FANCB: variants seen among roughly 807,000 people sequenced by gnomAD.
FANCB encodes the protein Fanconi anemia group B protein.
In FANCB, 5 loss-of-function variants were observed where a neutral mutation model predicts 38.9. The observed-to-expected ratio is 0.13, with a 90% CI of 0.07 to 0.27. The LOEUF is 0.27. Ranked by LOEUF, FANCB falls within the 10% of genes least tolerant of loss-of-function variation. The pLI is 1.00. For synonymous variants in FANCB, 236 were observed against 215.4 expected, an observed-to-expected ratio of 1.10 and a Z score of -0.84; for missense variants, 573 against 602.7, an observed-to-expected ratio of 0.95 and a Z score of 0.52.
the FANCB span, among the ~76,000 whole-genome samples, chrX:14,690,342 A>G: frequency 1.8e-5 from 2 of 111,967 alleles, no homozygotes; most frequent in Non-Finnish European, 1.9e-5. Flanking sequence ...ACATGTTTCA[A>G]TATATGTACA....
At chrX:14,863,670 C>A in intron 3 of FANCB, among the ~76,000 whole-genome samples, 1 of 112,005 alleles carries the variant, frequency 8.9e-6, no homozygotes, top group Middle Eastern at 4.6e-3. Context: ...TTCTGCATTT[C>A]AAAATATAAC....
chrX:14,751,110 C>T, the FANCB span, among the ~76,000 whole-genome samples: 4 of 112,017 alleles, frequency 3.6e-5, no homozygotes, highest in Non-Finnish European at 7.5e-5. Flanking sequence ...TGAAGTTGAG[C>T]ACATACATCT....
intron 5 of FANCB, among the ~76,000 whole-genome samples, chrX:14,856,492 A>G (rs1199122388): frequency 1.8e-5 from 2 of 111,962 alleles, no homozygotes; most frequent in East Asian, 5.5e-4. Context: ...TGAATAGATC[A>G]ATGTCTTCAT....
downstream of FANCB, among the ~76,000 whole-genome samples, chrX:14,840,013 A>T (rs1429961281): frequency 9.0e-6 from 1 of 111,078 alleles, no homozygotes; most frequent in East Asian, 2.8e-4. Flanking sequence ...GTGCCACCAC[A>T]CCTGGCTAAT....
intron 1 of FANCB, among the ~76,000 whole-genome samples, chrX:14,871,268 G>C (rs368348842): frequency 5.3e-4 from 59 of 111,704 alleles, no homozygotes; most frequent in African/African-American, 1.9e-3. Context: ...TCACAGGACT[G>C]TACTTTTGAG....
the FANCB span, among the ~76,000 whole-genome samples, chrX:14,797,838 A>C: frequency 1.8e-5 from 2 of 111,501 alleles, no homozygotes; most frequent in Non-Finnish European, 3.8e-5. Context: ...GCTTAAAAAA[A>C]TACTTATACT....
At chrX:14,870,956 GT>G (rs1193570383) in intron 1 of FANCB, among the ~76,000 whole-genome samples, 1 of 111,707 alleles carries the variant, frequency 9.0e-6, no homozygotes, top group Non-Finnish European at 1.9e-5. Context: ...GATAGATGTT[GT>G]TTTTCCAAGA....
chrX:14,844,717 G>A lies in FANCB; in HGVS notation c.1951C>T (p.Leu651Phe). ...CAAGATTTATGGAATGCTGCAAGAAGTGCAAAAAGATCTTCCATGTGCTCT... is the reference window on the plus strand; with the variant it reads ...CAAGATTTATGGAATGCTGCAAGAAATGCAAAAAGATCTTCCATGTGCTCT... ...PIEHMEDLFA[L>F]LAAFHKSCFQ... The change falls in exon 9 of 10, where the codon CTT (leucine) becomes TTT (phenylalanine). Residue 651 changes from leucine to phenylalanine, a missense_variant. Leu to Phe is a conservative substitution (Grantham distance 22, BLOSUM62 0). Coordinates refer to ENST00000650831, the MANE Select transcript of FANCB (RefSeq NM_001018113.3). 1.7e-6 allele frequency: 2 copies of A among 1,209,689 alleles called. No homozygotes were observed. The highest frequency in any genetic ancestry group is 1.7e-5 in the African/African-American group (1 of 57,821).
chrX:14,737,208 G>A, the FANCB span, among the ~76,000 whole-genome samples: 3 of 111,169 alleles, frequency 2.7e-5, no homozygotes, highest in Non-Finnish European at 5.7e-5. Flanking sequence ...AAGGTGAAAC[G>A]AAACTTAAGT....
the FANCB span, among the ~76,000 whole-genome samples, chrX:14,757,722 G>A: frequency 8.9e-6 from 1 of 111,859 alleles, no homozygotes; most frequent in Non-Finnish European, 1.9e-5. Context: ...TGTCTCACGC[G>A]GATCCTTGGG....
chrX:14,741,301 T>C, the FANCB span, among the ~76,000 whole-genome samples: 15 of 111,497 alleles, frequency 1.3e-4, no homozygotes, highest in Non-Finnish European at 2.3e-4. Context: ...AAAACCCTAC[T>C]ATATATCCTT....
chrX:14,796,259 G>A, the FANCB span, among the ~76,000 whole-genome samples: 5 of 109,196 alleles, frequency 4.6e-5, no homozygotes, highest in Non-Finnish European at 7.6e-5. Context: ...TGTCAGTTCA[G>A]GCTTTAGTCA....
the FANCB span, among the ~76,000 whole-genome samples, chrX:14,796,515 A>G: frequency 1.0e-5 from 1 of 98,234 alleles, no homozygotes; most frequent in South Asian, 4.2e-4. Flanking sequence ...TATATAATAT[A>G]TAACATATAT....
chrX:14,750,129 A>C, the FANCB span, among the ~76,000 whole-genome samples: 1 of 112,288 alleles, frequency 8.9e-6, no homozygotes, highest in African/African-American at 3.2e-5. Flanking sequence ...AGAGCATTCA[A>C]TTCCTATGAT....
At chrX:14,824,021 G>A in the FANCB span, among the ~76,000 whole-genome samples, 1 of 111,855 alleles carries the variant, frequency 8.9e-6, no homozygotes, top group Non-Finnish European at 1.9e-5. Flanking sequence ...AGACTGGACA[G>A]GAGAACTGCC....
In FANCB at chrX:14,864,710, T is replaced by G. The variant is rs773005941; in HGVS notation, c.801A>C (p.Ser267=). The change falls in exon 3 of 10, where the codon TCA becomes TCC. Residue 267 remains serine, a synonymous_variant. Transcript: ENST00000650831. The part of the protein sequence containing the change: ...IALTRKNQLI[S]FQNGTPKNVC... ...CATTTTTAGGAGTTCCATTCTGAAA[T>G]GAAATCAGCTGATTCTTTCGAGTAA... The G allele has an allele frequency of 1.4e-5, 17 of 1,210,125 alleles. No homozygotes were observed. Among genetic ancestry groups the G allele is most frequent in the African/African-American group, 5.2e-5 (3 of 57,342 alleles).
chrX:14,858,809 T>C (rs914204482), intron 4 of FANCB, among the ~76,000 whole-genome samples: 3 of 111,929 alleles, frequency 2.7e-5, no homozygotes, highest in African/African-American at 9.7e-5. Context: ...TCTCAAGATA[T>C]TGTGAGCTGT....
chrX:14,853,628 T>G lies in FANCB; in HGVS notation c.1198-461A>C, dbSNP rs771574956. On this transcript the variant is annotated intron_variant, in intron 5 of 9. Transcript: ENST00000650831. Reference sequence around the variant, plus strand: ...TTTAATCAGATACTGCTCGAAATTTTCTGTTCATGTAACCTTCATAGCAAA... The same window carrying G: ...TTTAATCAGATACTGCTCGAAATTTGCTGTTCATGTAACCTTCATAGCAAA... Among the ~76,000 whole-genome samples the G allele has an allele frequency of 3.1e-3, 351 of 112,460 alleles. 1 individual carries two copies. The highest frequency in any genetic ancestry group is 5.4e-3 in the Non-Finnish European group (288 of 53,231).
chrX:14,696,137 A>G, the FANCB span, among the ~76,000 whole-genome samples: 2 of 103,921 alleles, frequency 1.9e-5, no homozygotes, highest in Non-Finnish European at 3.9e-5. Flanking sequence ...GTAGAAGGGA[A>G]GAAGGAAGGA....
Sources: gnomAD v4.1 joint callset for allele counts (sites outside exome capture counted in the v4.1 genomes callset) on GRCh38, gnomAD v4.1.1 for gene constraint, MANE v1.5 for transcripts, NCBI Gene and HGNC (gene_info 2026-07-23, HGNC 2026-07-21) for gene names.